The following COL11A1 variants were observed in gnomAD, a reference collection of about 807,000 sequenced individuals.
The protein encoded by COL11A1 is collagen alpha-1(XI) chain.
Under a neutral mutation model 265.2 loss-of-function variants are expected in COL11A1, and 74 were observed. That is an observed-to-expected ratio of 0.28 (90% CI 0.23 to 0.34). The LOEUF is 0.34. COL11A1 is among the 10% of genes least tolerant of loss of function. The pLI is 1.00. For synonymous variants in COL11A1, 816 were observed against 727.6 expected, an observed-to-expected ratio of 1.12 and a Z score of -1.96; for missense variants, 2,165 against 2,263.6, an observed-to-expected ratio of 0.96 and a Z score of 0.88.
intron 54 of COL11A1, among the ~76,000 whole-genome samples, chr1:102,901,156 TAAAAATACA>T (rs1653142133): frequency 6.6e-6 from 1 of 151,776 alleles, no homozygotes; most frequent in Non-Finnish European, 1.5e-5. Flanking sequence ...CCGTCTCTAC[TAAAAATACA>T]AAAAATTAGC....
At position 103,003,597 on chromosome 1, in the gene COL11A1, C is replaced by T. The variant is rs528790717; in HGVS notation, c.1945-329G>A. Among the ~76,000 whole-genome samples, 80 of 152,160 alleles carry T rather than the reference C, an allele frequency of 5.3e-4. 1 individual carries two copies. The South Asian group carries it at 8.5e-3, about 16-fold the overall frequency. ...TGTCATTTTTTGATTTCAGTGACAG[C>T]ATCGAACATTATTATTCAATCAGAT... On this transcript the variant is annotated intron_variant, in intron 20 of 66. Transcript: ENST00000370096.
chr1:102,878,075 C>A lies in COL11A1; in HGVS notation c.5365G>T (p.Gly1789Cys), dbSNP rs1302207968. ...PIVDVMINDFGDQNQKFGFEV... is the reference protein window; with the variant it reads ...PIVDVMINDFCDQNQKFGFEV... Reference sequence around the variant, plus strand: ...AATCCGAACTTCTGATTCTGATCACCAAAGTCATTGATCATGACATCAACA... The same window carrying A: ...AATCCGAACTTCTGATTCTGATCACAAAAGTCATTGATCATGACATCAACA... The change falls in exon 67 of 67, where the codon GGT (glycine) becomes TGT (cysteine). Residue 1789 changes from glycine (G) to cysteine (C), a missense_variant. Transcript: ENST00000370096. 1 of 1,613,524 alleles carries A rather than the reference C, an allele frequency of 6.2e-7. No homozygotes were observed. Among genetic ancestry groups the A allele is most frequent in the Non-Finnish European group, 8.5e-7 (1 of 1,179,674 alleles).
intron 54 of COL11A1, among the ~76,000 whole-genome samples, chr1:102,904,747 A>C (rs1653699430): frequency 6.6e-6 from 1 of 152,080 alleles, no homozygotes; most frequent in Non-Finnish European, 1.5e-5. Flanking sequence ...GAGGATGTGG[A>C]GAAATAGGAA....
chr1:103,044,947 A>C (rs1376858978), intron 4 of COL11A1, among the ~76,000 whole-genome samples: 2 of 152,120 alleles, frequency 1.3e-5, no homozygotes, highest in Non-Finnish European at 2.9e-5. Context: ...GCAATCATGG[A>C]AAGTTTCACT....
chr1:102,898,117 T>C lies in COL11A1; in HGVS notation c.4302+8A>G. On this transcript the variant is annotated splice_region_variant and intron_variant, in intron 57 of 66. Transcript: ENST00000370096. ...CACTTTTTAAATGACTGAAAAGATC[T>C]TACTCACCATAGGACCAGGTGGTCC... 1 of 1,553,676 alleles carries C rather than the reference T, an allele frequency of 6.4e-7. No individual in the cohort carries two copies. Among genetic ancestry groups the C allele is most frequent in the Non-Finnish European group, 8.8e-7 (1 of 1,140,692 alleles).
At chr1:102,913,500 A>C (rs2101024980) in intron 53 of COL11A1, 137 bp downstream of exon 53, 1 of 762,518 alleles carries the variant, frequency 1.3e-6, no homozygotes. Context: ...GGAATTCAAA[A>C]ATTTTTTTGA....
intron 9 of COL11A1, among the ~76,000 whole-genome samples, chr1:103,021,351 G>A (rs1375384355): frequency 6.6e-6 from 1 of 151,884 alleles, no homozygotes; most frequent in Non-Finnish European, 1.5e-5. Context: ...TCATTGGATT[G>A]GAAAGTAGGA....
chr1:102,959,881 TTATAG>T (rs1157988834), intron 41 of COL11A1, among the ~76,000 whole-genome samples: 8 of 152,176 alleles, frequency 5.3e-5, no homozygotes, highest in Non-Finnish European at 1.0e-4. Context: ...AATTTAATCC[TTATAG>T]TCACAGCTCA....
At chr1:103,084,059 A>G (rs1672659023) in intron 1 of COL11A1, among the ~76,000 whole-genome samples, 1 of 152,190 alleles carries the variant, frequency 6.6e-6, no homozygotes. Flanking sequence ...GGTTTTTGGT[A>G]TATTGTACTA....
intron 28 of COL11A1, among the ~76,000 whole-genome samples, chr1:102,992,561 A>G (rs1664244111): frequency 6.6e-6 from 1 of 152,064 alleles, no homozygotes; most frequent in Admixed American, 6.6e-5. Context: ...GGCATATTAA[A>G]AAGTCATCAG....
chr1:102,967,303 C>G (rs1466635037), intron 37 of COL11A1, among the ~76,000 whole-genome samples: 7 of 115,042 alleles, frequency 6.1e-5, no homozygotes, highest in East Asian at 3.1e-4. Context: ...TGCAGTGGCG[C>G]GATCTCGGCT....
At chr1:103,097,499 G>T (rs1456130479) in intron 1 of COL11A1, among the ~76,000 whole-genome samples, 2 of 151,806 alleles carry the variant, frequency 1.3e-5, no homozygotes, top group Non-Finnish European at 2.9e-5. Flanking sequence ...CTTCTGTTTT[G>T]TATTCTCCAG....
At chr1:102,931,458 T>C (rs985609178) in intron 46 of COL11A1, among the ~76,000 whole-genome samples, 16 of 152,108 alleles carry the variant, frequency 1.1e-4, no homozygotes, top group Non-Finnish European at 1.8e-4. Context: ...GTCTGAGAGA[T>C]AGTTTGTTAT....
chr1:102,931,862 CT>C (rs1312103415), intron 46 of COL11A1, among the ~76,000 whole-genome samples: 7 of 151,202 alleles, frequency 4.6e-5, no homozygotes, highest in African/African-American at 1.7e-4. Context: ...TTCTTTGTCT[CT>C]TTTGATCTTT....
chr1:103,037,098 CT>C lies in COL11A1; in HGVS notation c.652-5855del, dbSNP rs34578125. 1.1e-4 allele frequency among the ~76,000 whole-genome samples: 16 copies of C among 150,148 alleles called. 1 individual carries two copies. In the South Asian group the frequency reaches 2.7e-3, roughly 26 times the overall value. On this transcript the variant is annotated intron_variant, in intron 4 of 66. Coordinates refer to ENST00000370096, the MANE Select transcript of COL11A1 (RefSeq NM_001854.4). ...CAAACAAATAATGCACATATGCTAA[CT>C]TTTTTTGTTCATTTTTTTACTTTGG...
intron 13 of COL11A1, among the ~76,000 whole-genome samples, chr1:103,013,861 T>A (rs74391218): frequency 0.024 from 3,587 of 152,088 alleles, 55 homozygotes; most frequent in Middle Eastern, 0.071. Flanking sequence ...TCCTGGTCTA[T>A]CCTTTTGATT....
chr1:103,106,317 A>T (rs1322036534), intron 1 of COL11A1, among the ~76,000 whole-genome samples: 1 of 152,220 alleles, frequency 6.6e-6, no homozygotes, highest in Non-Finnish European at 1.5e-5. Context: ...CTCAGTTCCT[A>T]TAATTTTCAA....
chr1:102,923,119 T>C (rs562809768), intron 47 of COL11A1, among the ~76,000 whole-genome samples: 1 of 152,326 alleles, frequency 6.6e-6, no homozygotes, highest in South Asian at 2.1e-4. Flanking sequence ...CTGTATAAAT[T>C]GCTAATTATC....
At chr1:102,974,753 A>G in intron 36 of COL11A1, 77 bp downstream of exon 36, 1 of 1,073,174 alleles carries the variant, frequency 9.3e-7, no homozygotes, top group Non-Finnish European at 1.4e-6. Flanking sequence ...TCTAACAAAT[A>G]TATAAATGTA....
Sources: gnomAD v4.1 joint callset for allele counts (sites outside exome capture counted in the v4.1 genomes callset) on GRCh38, gnomAD v4.1.1 for gene constraint, MANE v1.5 for transcripts, NCBI Gene and HGNC (gene_info 2026-07-23, HGNC 2026-07-21) for gene names.